Variants in HTR1F observed in about 807,000 individuals in gnomAD.
The protein encoded by HTR1F is 5-hydroxytryptamine receptor 1F.
HTR1F carries 17 observed loss-of-function variants against 24.0 expected under a neutral mutation model. The ratio of observed to expected loss-of-function variants is 0.71; its 90% CI spans 0.48 to 1.06. The LOEUF is 1.06. Ranked by LOEUF, HTR1F falls within the 50% of genes least tolerant of loss-of-function variation. The pLI is 0.00. For missense variants in HTR1F, 391 were observed against 427.8 expected (o/e 0.91, Z 0.76); for synonymous variants, 186 against 156.8 (o/e 1.19, Z -1.39).
rs551523775 is a variant in HTR1F, at chr3:87,909,409, A to C, written c.-42-81299A>C. ...CACATACACTTCCATTAATGGTGAA[A>C]AAAGTCAACTCGTTACGTGCTCACG... On this transcript the variant is annotated intron_variant, in intron 2 of 2. Coordinates refer to ENST00000319595, the MANE Select transcript of HTR1F (RefSeq NM_001322209.2). 2.6e-5 allele frequency among the ~76,000 whole-genome samples: 4 copies of C among 152,154 alleles called. No individual in the cohort carries two copies. The East Asian group carries it at 7.7e-4, about 29-fold the overall frequency.
At chr3:87,831,759 A>G (rs1704585268) in intron 2 of HTR1F, among the ~76,000 whole-genome samples, 1 of 152,242 alleles carries the variant, frequency 6.6e-6, no homozygotes, top group African/African-American at 2.4e-5. Flanking sequence ...CAAAAGGCCT[A>G]TAAATATTCA....
intron 2 of HTR1F, among the ~76,000 whole-genome samples, chr3:87,916,604 A>C (rs1703900750): frequency 6.6e-6 from 1 of 152,108 alleles, no homozygotes; most frequent in African/African-American, 2.4e-5. Context: ...AAATTTTAAA[A>C]CAACAATGGT....
chr3:87,944,859 G>C (rs1704656486), intron 2 of HTR1F, among the ~76,000 whole-genome samples: 1 of 152,184 alleles, frequency 6.6e-6, no homozygotes, highest in Non-Finnish European at 1.5e-5. Context: ...TAATAGGAAG[G>C]CTACAGGTTG....
intron 1 of HTR1F, among the ~76,000 whole-genome samples, chr3:87,812,902 C>T (rs893575860): frequency 1.3e-5 from 2 of 152,320 alleles, no homozygotes; most frequent in African/African-American, 4.8e-5. Flanking sequence ...TCTGCATGTG[C>T]AGAGTCAAGA....
chr3:87,920,767 A>T (rs1703996989), intron 2 of HTR1F, among the ~76,000 whole-genome samples: 1 of 152,034 alleles, frequency 6.6e-6, no homozygotes, highest in Admixed American at 6.6e-5. Flanking sequence ...AAAAAGAACT[A>T]TTGAGTACTA....
intron 2 of HTR1F, among the ~76,000 whole-genome samples, chr3:87,873,145 T>C (rs999806331): frequency 2.3e-4 from 31 of 137,206 alleles, no homozygotes; most frequent in African/African-American, 8.4e-4. Context: ...GAGAGATTTA[T>C]GAGATTTATT....
At chr3:87,881,812 T>G (rs1432374789) in intron 2 of HTR1F, among the ~76,000 whole-genome samples, 1 of 152,174 alleles carries the variant, frequency 6.6e-6, no homozygotes, top group Non-Finnish European at 1.5e-5. Flanking sequence ...AAGGACTTCA[T>G]GTCTAAACAC....
chr3:87,831,489 A>G (rs2107153144), intron 2 of HTR1F, among the ~76,000 whole-genome samples: 1 of 151,840 alleles, frequency 6.6e-6, no homozygotes, highest in Non-Finnish European at 1.5e-5. Context: ...CAGCCTCCTG[A>G]GTAGCTGGGA....
At chr3:87,795,520 G>C (rs56386821) in intron 1 of HTR1F, among the ~76,000 whole-genome samples, 41,137 of 151,914 alleles carry the variant, frequency 0.27, 5,900 homozygotes, top group East Asian at 0.42. Flanking sequence ...ACGGGATGCT[G>C]TTTGAGGCAG....
rs1391959632 is a variant in HTR1F at position 87,970,357 on chromosome 3, T to C, written c.-42-20351T>C. 1.1e-4 allele frequency among the ~76,000 whole-genome samples: 17 copies of C among 152,332 alleles called. 1 individual carries two copies. The South Asian group carries it at 3.3e-3, about 30-fold the overall frequency. Reference sequence around the variant, plus strand: ...AAAGTTTCTGATTCAGTATCAAGGATGGGGACAAGAATTTACATTTCTTAA... The same window carrying C: ...AAAGTTTCTGATTCAGTATCAAGGACGGGGACAAGAATTTACATTTCTTAA... On this transcript the variant is annotated intron_variant, in intron 2 of 2. Coordinates refer to ENST00000319595, the MANE Select transcript of HTR1F (RefSeq NM_001322209.2).
intron 2 of HTR1F, among the ~76,000 whole-genome samples, chr3:87,860,003 A>C (rs1705282325): frequency 6.6e-6 from 1 of 152,226 alleles, no homozygotes; most frequent in South Asian, 2.1e-4. Flanking sequence ...AAAAGGCAGA[A>C]ACATGAGCAT....
chr3:87,868,338 T>C (rs1415090688), intron 2 of HTR1F, among the ~76,000 whole-genome samples: 1 of 152,194 alleles, frequency 6.6e-6, no homozygotes, highest in East Asian at 1.9e-4. Flanking sequence ...TTTTTTTCTC[T>C]GATTGAAATT....
chr3:87,961,459 G>A (rs1705058558), intron 2 of HTR1F, among the ~76,000 whole-genome samples: 1 of 151,960 alleles, frequency 6.6e-6, no homozygotes, highest in Admixed American at 6.6e-5. Flanking sequence ...TACTTGTGCT[G>A]TTAAATTTTT....
At chr3:87,926,463 T>C (rs1704129393) in intron 2 of HTR1F, among the ~76,000 whole-genome samples, 1 of 152,236 alleles carries the variant, frequency 6.6e-6, no homozygotes, top group Admixed American at 6.5e-5. Flanking sequence ...AAAGATTCAT[T>C]TATTTACATG....
chr3:87,932,775 C>G (rs1431431362), intron 2 of HTR1F, among the ~76,000 whole-genome samples: 1 of 151,656 alleles, frequency 6.6e-6, no homozygotes, highest in Non-Finnish European at 1.5e-5. Flanking sequence ...ACCAGAGGTA[C>G]AAGGAGGAGA....
At chr3:87,873,133 C>CACACAG (rs370152361) in intron 2 of HTR1F, among the ~76,000 whole-genome samples, 24 of 130,314 alleles carry the variant, frequency 1.8e-4, no homozygotes, top group African/African-American at 6.3e-4. Flanking sequence ...CACACACACA[C>CACACAG]AGAGAGATTT....
At chr3:87,979,678 C>T (rs1198999510) in intron 2 of HTR1F, among the ~76,000 whole-genome samples, 2 of 152,212 alleles carry the variant, frequency 1.3e-5, no homozygotes, top group African/African-American at 4.8e-5. Context: ...CTCAGCCTGG[C>T]AGGCTGCTCT....
At chr3:87,832,886 T>G (rs1278505871) in intron 2 of HTR1F, among the ~76,000 whole-genome samples, 1 of 152,236 alleles carries the variant, frequency 6.6e-6, no homozygotes, top group Non-Finnish European at 1.5e-5. Flanking sequence ...AGTAGATAGA[T>G]AGAGAAAATA....
intron 2 of HTR1F, among the ~76,000 whole-genome samples, chr3:87,950,560 T>TAAA (rs11463837): frequency 4.9e-4 from 71 of 145,232 alleles, no homozygotes; most frequent in African/African-American, 1.7e-3. Flanking sequence ...AGTGTCAACT[T>TAAA]AAAAAAAAAA....
Sources: gnomAD v4.1 joint callset for allele counts (sites outside exome capture counted in the v4.1 genomes callset) on GRCh38, gnomAD v4.1.1 for gene constraint, MANE v1.5 for transcripts, NCBI Gene and HGNC (gene_info 2026-07-23, HGNC 2026-07-21) for gene names.